The following ABTB2 variants were observed in gnomAD, a reference collection of about 807,000 sequenced individuals.
The protein encoded by ABTB2 is ankyrin repeat and BTB/POZ domain-containing protein 2.
Under a neutral mutation model 104.1 loss-of-function variants are expected in ABTB2, and 56 were observed. That is an observed-to-expected ratio of 0.54 (90% confidence interval 0.43 to 0.67). The LOEUF (loss-of-function observed/expected upper bound fraction) is 0.67. Among genes scored for constraint, ABTB2 ranks in the 30% least tolerant of loss-of-function variants. The pLI is 0.00. For synonymous variants in ABTB2, 606 were observed against 608.2 expected, an observed-to-expected ratio of 1.00 and a Z score of 0.05; for missense variants, 1,279 against 1,407.7, an observed-to-expected ratio of 0.91 and a Z score of 1.46.
chr11:34,154,549 T>C lies in ABTB2; in HGVS notation c.2766+152A>G. 1 of 869,682 alleles carries C rather than the reference T, an allele frequency of 1.1e-6. No individual in the cohort carries two copies. Among genetic ancestry groups the C allele is most frequent in the Non-Finnish European group, 1.8e-6 (1 of 550,588 alleles). The allele number at this position is 869,682 out of a possible 1,614,324, so 53.9% of individuals were successfully genotyped here. A position where few individuals can be genotyped will look rare whatever the true frequency, so the allele number is the denominator to read the frequency against. Reference sequence around the variant, plus strand: ...TCCCCGCTGGGACACGCACTGAGGCTGGGCTCAGTGGTGTGCACAGTTCCT... The same window carrying C: ...TCCCCGCTGGGACACGCACTGAGGCCGGGCTCAGTGGTGTGCACAGTTCCT... On this transcript the variant is annotated intron_variant, in intron 15 of 16. Transcript: ENST00000435224. This position sits in a 1 kb window ranked among gnomAD's most constrained non-coding sequence, Gnocchi z 4.9.
chr11:34,257,374 C>G (rs1036893867), intron 1 of ABTB2, among the ~76,000 whole-genome samples: 7 of 152,284 alleles, frequency 4.6e-5, no homozygotes, highest in Admixed American at 4.6e-4. Context: ...CAGGAGGCCT[C>G]TAAGAGGTGA....
chr11:34,212,432 G>C (rs12417639), intron 1 of ABTB2, among the ~76,000 whole-genome samples: 13,488 of 152,274 alleles, frequency 0.089, 838 homozygotes, highest in Non-Finnish European at 0.13. Context: ...CTTTCTGCCA[G>C]GGATTGGATG....
intron 1 of ABTB2, among the ~76,000 whole-genome samples, chr11:34,322,675 C>T (rs1466148452): frequency 6.6e-6 from 1 of 152,062 alleles, no homozygotes; most frequent in African/African-American, 2.4e-5. Context: ...CAAGAAACTA[C>T]ATTAGGATGT....
At chr11:34,229,355 C>T (rs1466177062) in intron 1 of ABTB2, among the ~76,000 whole-genome samples, 1 of 151,264 alleles carries the variant, frequency 6.6e-6, no homozygotes, top group African/African-American at 2.4e-5. Flanking sequence ...GTGGCGGGCG[C>T]CTGTAGTCCC....
chr11:34,297,378 T>A (rs1285490304), intron 1 of ABTB2, among the ~76,000 whole-genome samples: 1 of 152,198 alleles, frequency 6.6e-6, no homozygotes, highest in Non-Finnish European at 1.5e-5. Context: ...GCATAGAATA[T>A]CCGGAAACAA....
chr11:34,306,562 T>A (rs1231901235), intron 1 of ABTB2, among the ~76,000 whole-genome samples: 1 of 151,938 alleles, frequency 6.6e-6, no homozygotes, highest in Non-Finnish European at 1.5e-5. Flanking sequence ...AGCTGTTTTT[T>A]AAAAAGACAT....
At chr11:34,156,643 C>G (rs551233784) in intron 14 of ABTB2, among the ~76,000 whole-genome samples, 7 of 152,170 alleles carry the variant, frequency 4.6e-5, no homozygotes, top group African/African-American at 1.7e-4. Flanking sequence ...CCTGCCTCAG[C>G]CTCCCAAGTA....
intron 1 of ABTB2, among the ~76,000 whole-genome samples, chr11:34,353,679 G>T (rs1353343782): frequency 1.3e-5 from 2 of 152,208 alleles, no homozygotes; most frequent in East Asian, 1.9e-4. Context: ...CTGAGTAATG[G>T]ACAGGAATAG....
At chr11:34,238,019 T>C (rs1367814861) in intron 1 of ABTB2, among the ~76,000 whole-genome samples, 1 of 152,234 alleles carries the variant, frequency 6.6e-6, no homozygotes, top group East Asian at 1.9e-4. Flanking sequence ...TGTATCAAAA[T>C]ATCTCATGTA....
At chr11:34,280,984 G>T (rs2133086688) in intron 1 of ABTB2, among the ~76,000 whole-genome samples, 1 of 152,328 alleles carries the variant, frequency 6.6e-6, no homozygotes, top group South Asian at 2.1e-4. Context: ...CAAAGCAGGG[G>T]AGGTTGTTTC....
chr11:34,347,435 C>CA (rs5790988), intron 1 of ABTB2, among the ~76,000 whole-genome samples: 21,949 of 151,768 alleles, frequency 0.14, 2,677 homozygotes, highest in East Asian at 0.35. Flanking sequence ...GACTTTGTGT[C>CA]AAAAAAATAA....
chr11:34,278,137 G>A lies in ABTB2; in HGVS notation c.884-73447C>T, dbSNP rs11032592. Among the ~76,000 whole-genome samples the A allele has an allele frequency of 3.5e-3, 536 of 151,522 alleles. 4 individuals carry two copies. Among genetic ancestry groups the A allele is most frequent in the South Asian group, 0.013 (62 of 4,788 alleles). On this transcript the variant is annotated intron_variant, in intron 1 of 16. Coordinates refer to ENST00000435224, the MANE Select transcript of ABTB2 (RefSeq NM_145804.3). ...CTTTCTTAATATTCACATATCACTT[G>A]TTATAAACTTTTGCAATCTACAGAA...
In ABTB2 at chr11:34,311,606, G is replaced by A. The variant is rs11032610; in HGVS notation, c.883+45095C>T. 1.7e-3 allele frequency among the ~76,000 whole-genome samples: 263 copies of A among 152,338 alleles called. 6 individuals carry two copies. The East Asian group carries it at 0.046, about 27-fold the overall frequency. ...AGAGAGAACACATAATACTTTCAGA[G>A]ATAAGCTGAGGTTGTTCTCCAGGCC... On this transcript the variant is annotated intron_variant, in intron 1 of 16. Transcript: ENST00000435224.
chr11:34,208,502 C>T (rs1344083036), intron 1 of ABTB2, among the ~76,000 whole-genome samples: 1 of 152,148 alleles, frequency 6.6e-6, no homozygotes, highest in African/African-American at 2.4e-5. Flanking sequence ...GATCCTTTGC[C>T]TCCCTCTTCT....
chr11:34,225,686 C>A (rs903392613), intron 1 of ABTB2, among the ~76,000 whole-genome samples: 8 of 152,070 alleles, frequency 5.3e-5, no homozygotes, highest in African/African-American at 1.7e-4. Flanking sequence ...ACCAGGGAGG[C>A]AGAGGTTGCG....
At chr11:34,308,110 G>A (rs1482716107) in intron 1 of ABTB2, among the ~76,000 whole-genome samples, 2 of 151,038 alleles carry the variant, frequency 1.3e-5, no homozygotes, top group South Asian at 2.1e-4. Flanking sequence ...TCTGCAAAAC[G>A]GGGATAACAA....
chr11:34,230,444 G>A (rs1033752), intron 1 of ABTB2, among the ~76,000 whole-genome samples: 106,065 of 151,936 alleles, frequency 0.7, 37,086 homozygotes, highest in Middle Eastern at 0.8. Context: ...AATAACTTTC[G>A]GGGAGCCCTG....
chr11:34,279,355 C>G (rs1367340220), intron 1 of ABTB2, among the ~76,000 whole-genome samples: 1 of 152,196 alleles, frequency 6.6e-6, no homozygotes, highest in Admixed American at 6.5e-5. Flanking sequence ...TCTGCCTCAG[C>G]CTCCCAAAGT....
intron 3 of ABTB2, among the ~76,000 whole-genome samples, chr11:34,189,882 T>C (rs945217807): frequency 1.3e-5 from 2 of 152,192 alleles, no homozygotes; most frequent in Non-Finnish European, 2.9e-5. Context: ...AAGTGCCTTA[T>C]GTATATTAAC....
Sources: allele counts gnomAD v4.1 joint callset (sites outside exome capture counted in the v4.1 genomes callset), GRCh38; gene constraint gnomAD v4.1.1; non-coding constraint Gnocchi (gnomAD v3.1); transcripts MANE v1.5; gene names NCBI Gene and HGNC (gene_info 2026-07-23, HGNC 2026-07-21).